The following RABGEF1 variants were observed in gnomAD, a reference collection of about 807,000 sequenced individuals.
The protein encoded by RABGEF1 is RAB guanine nucleotide exchange factor 1.
RABGEF1 carries 26 observed loss-of-function variants against 57.3 expected under a neutral mutation model. The observed-to-expected ratio is 0.45, with a 90% confidence interval of 0.33 to 0.63. The LOEUF is 0.63. Among genes scored for constraint, RABGEF1 ranks in the 20% least tolerant of loss-of-function variants. The pLI is 0.02. For missense variants in RABGEF1, 464 were observed against 607.6 expected (o/e 0.76, Z 2.48); for synonymous variants, 185 against 210.7 (o/e 0.88, Z 1.06).
the RABGEF1 span, among the ~76,000 whole-genome samples, chr7:66,664,608 A>G: frequency 4.6e-5 from 7 of 152,044 alleles, no homozygotes; most frequent in Non-Finnish European, 1.0e-4. Context: ...TGTCTCTTAA[A>G]TTTAAATTAA....
rs956200884 is a variant in RABGEF1 at position 66,810,866 on chromosome 7, A to T, written c.*1582A>T. On this transcript the variant is annotated 3_prime_UTR_variant, in exon 9 of 9. Coordinates refer to ENST00000284957, the MANE Select transcript of RABGEF1 (RefSeq NM_014504.3). ...AACCAGGGTGGGTATAAAACTTCTT[A>T]TTCTTAAATTTACATATAAGATCTA... 6.6e-6 allele frequency: 1 copy of T among 152,232 alleles called. No homozygotes were observed. Among genetic ancestry groups the T allele is most frequent in the African/African-American group, 2.4e-5 (1 of 41,452 alleles). The allele number at this position is 152,232 out of a possible 1,614,324, so 9.4% of individuals were successfully genotyped here.
intron 1 of RABGEF1, among the ~76,000 whole-genome samples, chr7:66,747,107 T>G (rs1372890516): frequency 6.6e-6 from 1 of 152,142 alleles, no homozygotes; most frequent in African/African-American, 2.4e-5. Flanking sequence ...GTGGAACATT[T>G]TAATTTGTTT....
the RABGEF1 span, among the ~76,000 whole-genome samples, chr7:66,662,926 A>T: frequency 2.8e-5 from 4 of 142,920 alleles, no homozygotes; most frequent in African/African-American, 1.0e-4. Context: ...GTTTGCAGGC[A>T]TGCATGTGCA....
rs746515733 is a variant in RABGEF1, at chr7:66,805,420, T to C, written c.1077+24T>C. 7 of 1,612,336 alleles carry C rather than the reference T, an allele frequency of 4.3e-6. No homozygotes were observed. The South Asian group carries it at 7.7e-5, about 18-fold the overall frequency. On this transcript the variant is annotated intron_variant, in intron 8 of 8. Transcript: ENST00000284957. ...TGGTGAGTAAGTGAGTTCTTGGTGTTGTGGAGAAGGACTAGGAAGGTGGTG... is the reference window on the plus strand; with the variant it reads ...TGGTGAGTAAGTGAGTTCTTGGTGTCGTGGAGAAGGACTAGGAAGGTGGTG...
intron 1 of RABGEF1, among the ~76,000 whole-genome samples, chr7:66,752,716 G>T (rs182948507): frequency 1.3e-5 from 2 of 152,334 alleles, no homozygotes; most frequent in Non-Finnish European, 2.9e-5. Flanking sequence ...TCCCAGGCCA[G>T]TTGAATCAGA....
the RABGEF1 span, chr7:66,666,155 G>A: frequency 6.6e-6 from 1 of 152,404 alleles, no homozygotes; most frequent in African/African-American, 2.4e-5. Context: ...CCGGCAAAGT[G>A]GGGACCGGAG....
At chr7:66,797,628 C>T in intron 6 of RABGEF1, 122 bp downstream of exon 6, 1 of 1,101,246 alleles carries the variant, frequency 9.1e-7, no homozygotes, top group Non-Finnish European at 1.3e-6. Context: ...GTTCCTGCTT[C>T]CTTAGAGTGG....
intron 1 of RABGEF1, among the ~76,000 whole-genome samples, chr7:66,698,108 C>CG (rs1792631117): frequency 6.6e-6 from 1 of 151,878 alleles, no homozygotes; most frequent in Admixed American, 6.6e-5. Flanking sequence ...CGCACCCCCC[C>CG]CACCCTCAGA....
At chr7:66,687,416 G>A (rs1394577521) in intron 1 of RABGEF1, among the ~76,000 whole-genome samples, 2 of 149,942 alleles carry the variant, frequency 1.3e-5, no homozygotes, top group Admixed American at 6.7e-5. Flanking sequence ...ATGAGCCACC[G>A]CGCCCAGCCC....
chr7:66,718,564 A>AT (rs960893324), intron 2 of RABGEF1, among the ~76,000 whole-genome samples: 2 of 131,838 alleles, frequency 1.5e-5, no homozygotes, highest in African/African-American at 5.2e-5. Context: ...AGTTTAATTT[A>AT]TAAAAAAAAA....
chr7:66,765,718 C>T lies in RABGEF1; in HGVS notation c.-17-6165C>T, dbSNP rs1805526441. On this transcript the variant is annotated intron_variant, in intron 1 of 8. Transcript: ENST00000284957. ...AGCTCCATCATTCAAGAGAACAGCC[C>T]CGACTTAGTCCCATTTCCAAAACTC... 2.0e-5 allele frequency among the ~76,000 whole-genome samples: 3 copies of T among 152,142 alleles called. No homozygotes were observed. In the South Asian group the frequency reaches 6.2e-4, roughly 32 times the overall value.
At chr7:66,795,400 T>C in intron 4 of RABGEF1, 111 bp from the exon 5 acceptor site, 1 of 838,182 alleles carries the variant, frequency 1.2e-6, no homozygotes, top group Non-Finnish European at 2.0e-6. Context: ...TGTGAGTACT[T>C]TTAGGCTTAC....
chr7:66,656,003 A>G, the RABGEF1 span, among the ~76,000 whole-genome samples: 1 of 152,182 alleles, frequency 6.6e-6, no homozygotes, highest in Admixed American at 6.5e-5. Flanking sequence ...TGGAGCCTGG[A>G]AGGGATCGGG....
At chr7:66,754,570 C>G (rs1802263049) in intron 1 of RABGEF1, among the ~76,000 whole-genome samples, 1 of 151,842 alleles carries the variant, frequency 6.6e-6, no homozygotes, top group Non-Finnish European at 1.5e-5. Flanking sequence ...AGGGTGAGAC[C>G]TTGTAGCTAC....
upstream of RABGEF1, among the ~76,000 whole-genome samples, chr7:66,736,948 A>G (rs1798012920): frequency 6.6e-6 from 1 of 152,038 alleles, no homozygotes. Flanking sequence ...ACACACACGT[A>G]CACACACACG....
rs1804897875 is a variant in RABGEF1, at chr7:66,763,288, G to C, written c.-17-8595G>C. Among the ~76,000 whole-genome samples, 4 of 152,218 alleles carry C rather than the reference G, an allele frequency of 2.6e-5. No homozygotes were observed. The South Asian group carries it at 8.3e-4, about 32-fold the overall frequency. ...CGGCCAGCCTGGGTTTTTATTTGGAGGTGATAGAGAGAGTCTCCTTCCAGA... is the reference window on the plus strand; with the variant it reads ...CGGCCAGCCTGGGTTTTTATTTGGACGTGATAGAGAGAGTCTCCTTCCAGA... On this transcript the variant is annotated intron_variant, in intron 1 of 8. Transcript: ENST00000284957.
chr7:66,678,596 C>G (rs570551558), upstream of RABGEF1, among the ~76,000 whole-genome samples: 4 of 149,288 alleles, frequency 2.7e-5, no homozygotes, highest in South Asian at 4.2e-4. Flanking sequence ...AAAAGGTAAT[C>G]CAGTGGACCC....
chr7:66,774,404 C>G (rs1282176211), intron 2 of RABGEF1, among the ~76,000 whole-genome samples: 3 of 152,144 alleles, frequency 2.0e-5, no homozygotes, highest in Non-Finnish European at 2.9e-5. Flanking sequence ...TTCTTGCTTC[C>G]CTACCACATG....
Position 66,793,074 on chromosome 7 carries a change from A to G in RABGEF1, c.514-2437A>G, listed in dbSNP as rs377263369. ...GGTTGTGCTGGGCTGGGGGAGGAGAATATGATCCCTTGACACCAGTAAGAC... is the reference window on the plus strand; with the variant it reads ...GGTTGTGCTGGGCTGGGGGAGGAGAGTATGATCCCTTGACACCAGTAAGAC... On this transcript the variant is annotated intron_variant, in intron 4 of 8. Coordinates refer to ENST00000284957, the MANE Select transcript of RABGEF1 (RefSeq NM_014504.3). Among the ~76,000 whole-genome samples, 9 of 152,300 alleles carry G rather than the reference A, an allele frequency of 5.9e-5. No individual in the cohort carries two copies. In the East Asian group the frequency reaches 9.6e-4, roughly 16 times the overall value.
Sources: allele counts gnomAD v4.1 joint callset (sites outside exome capture counted in the v4.1 genomes callset), GRCh38; gene constraint gnomAD v4.1.1; transcripts MANE v1.5; gene names NCBI Gene and HGNC (gene_info 2026-07-23, HGNC 2026-07-21).